COPS2: variants seen among roughly 807,000 people sequenced by gnomAD.
COPS2 encodes the protein COP9 signalosome subunit 2, also known as COP9 signalosome complex subunit 2.
In COPS2, 10 loss-of-function variants were observed where a neutral mutation model predicts 66.1. The ratio of observed to expected loss-of-function variants is 0.15; its 90% CI spans 0.09 to 0.26. The LOEUF is 0.26. Among genes scored for constraint, COPS2 ranks in the 10% least tolerant of loss-of-function variants. The pLI is 1.00. For missense variants in COPS2, 215 were observed against 513.3 expected (o/e 0.42, Z 5.62); for synonymous variants, 179 against 171.3 (o/e 1.04, Z -0.35).
chr15:49,129,633 C>G, intron 10 of COPS2, 74 bp from the exon 11 acceptor site: 1 of 628,854 alleles, frequency 1.6e-6, no homozygotes, highest in Non-Finnish European at 2.5e-6. Flanking sequence ...TTATGTACTC[C>G]TAATTATCTT....
intron 6 of COPS2, 93 bp downstream of exon 6, chr15:49,137,057 A>G: frequency 1.3e-6 from 1 of 764,964 alleles, no homozygotes; most frequent in Non-Finnish European, 2.1e-6. Context: ...TGCTTAAACT[A>G]AAACATCCCT....
At chr15:49,151,509 A>G (rs377505719) in intron 1 of COPS2, among the ~76,000 whole-genome samples, 11 of 152,194 alleles carry the variant, frequency 7.2e-5, no homozygotes, top group African/African-American at 2.7e-4. Flanking sequence ...TCTTTCTAAA[A>G]AGATTATTAG....
rs906966045 is a variant in COPS2, at chr15:49,125,588, C to A, written c.*2362G>T. The A allele has an allele frequency of 6.6e-6, 1 of 151,920 alleles. No homozygotes were observed. The highest frequency in any genetic ancestry group is 2.4e-5 in the African/African-American group (1 of 41,376). 9.4% of individuals were successfully genotyped at this position (151,920 alleles called of 1,614,324 possible). The stretch of plus-strand genomic sequence containing the variant: ...AGCAATCTCTAAGATTTCAACTCTA[C>A]AATATTTGATGCACAAAAACACAGA... On this transcript the variant is annotated 3_prime_UTR_variant, in exon 13 of 13. Coordinates refer to ENST00000388901, the MANE Select transcript of COPS2 (RefSeq NM_004236.4).
chr15:49,149,724 G>T (rs1047457242), intron 1 of COPS2, among the ~76,000 whole-genome samples: 2 of 152,072 alleles, frequency 1.3e-5, no homozygotes, highest in African/African-American at 4.8e-5. Flanking sequence ...TGTATTTACC[G>T]CCAATAGAAG....
rs2084295679 is a variant in COPS2, at chr15:49,142,518, C to T, written c.246+1709G>A. 2.6e-5 allele frequency among the ~76,000 whole-genome samples: 4 copies of T among 152,228 alleles called. No homozygotes were observed. In the South Asian group the frequency reaches 8.3e-4, roughly 32 times the overall value. On this transcript the variant is annotated intron_variant, in intron 3 of 12. Coordinates refer to ENST00000388901, the MANE Select transcript of COPS2 (RefSeq NM_004236.4). ...GAGGAAACATATCATATGGGAAATA[C>T]AAAAACAGGGGAAAAAGAAAGTGGT...
intron 1 of COPS2, 136 bp downstream of exon 1, chr15:49,155,389 T>C (rs1310022496): frequency 6.6e-6 from 5 of 762,584 alleles, no homozygotes; most frequent in African/African-American, 5.2e-5. Flanking sequence ...GGGGAGGAGG[T>C]AAACCAGTCC....
At chr15:49,143,972 C>CG (rs112598336) in intron 3 of COPS2, among the ~76,000 whole-genome samples, 2 of 114,066 alleles carry the variant, frequency 1.8e-5, no homozygotes, top group African/African-American at 3.6e-5. Flanking sequence ...GGTGACAGAG[C>CG]GGGGGAAAAA....
At position 49,125,588 on chromosome 15, in the gene COPS2, C is replaced by G. The variant is rs906966045; in HGVS notation, c.*2362G>C. ...AGCAATCTCTAAGATTTCAACTCTA[C>G]AATATTTGATGCACAAAAACACAGA... On this transcript the variant is annotated 3_prime_UTR_variant, in exon 13 of 13. Coordinates refer to ENST00000388901, the MANE Select transcript of COPS2 (RefSeq NM_004236.4). 6.6e-6 allele frequency: 1 copy of G among 151,920 alleles called. No individual in the cohort carries two copies. The highest frequency in any genetic ancestry group is 1.9e-4 in the East Asian group (1 of 5,202). 9.4% of individuals were successfully genotyped at this position (151,920 alleles called of 1,614,324 possible). A position where few individuals can be genotyped will look rare whatever the true frequency, so the allele number is the denominator to read the frequency against.
chr15:49,142,143 G>T (rs1234999516), intron 3 of COPS2, among the ~76,000 whole-genome samples: 2 of 152,180 alleles, frequency 1.3e-5, no homozygotes, highest in Admixed American at 1.3e-4. Context: ...AGAAAGCATG[G>T]GGCTCTGGGC....
chr15:49,133,356 T>A (rs1476191745), intron 9 of COPS2, among the ~76,000 whole-genome samples: 3 of 152,202 alleles, frequency 2.0e-5, no homozygotes, highest in African/African-American at 7.2e-5. Flanking sequence ...TAAAAAAATA[T>A]GCTTATGCTG....
intron 6 of COPS2, among the ~76,000 whole-genome samples, 165 bp downstream of exon 6, chr15:49,136,985 T>C (rs1007591195): frequency 6.8e-6 from 1 of 147,814 alleles, no homozygotes; most frequent in Non-Finnish European, 1.5e-5. Flanking sequence ...AGCCATACCC[T>C]CTCTCTCAAA....
chr15:49,126,684 A>G lies in COPS2; in HGVS notation c.*1266T>C, dbSNP rs184514553. 1.3e-5 allele frequency: 2 copies of G among 152,246 alleles called. No individual in the cohort carries two copies. Among genetic ancestry groups the G allele is most frequent in the African/African-American group, 4.8e-5 (2 of 41,576 alleles). 9.4% of individuals were successfully genotyped at this position (152,246 alleles called of 1,614,324 possible). On this transcript the variant is annotated 3_prime_UTR_variant, in exon 13 of 13. Coordinates refer to ENST00000388901, the MANE Select transcript of COPS2 (RefSeq NM_004236.4). Reference sequence around the variant, plus strand: ...TAAGGTAGTTACCTTGGAAGGCCACAGTTCATTCTCCTAAGTATACTGCCA... The same window carrying G: ...TAAGGTAGTTACCTTGGAAGGCCACGGTTCATTCTCCTAAGTATACTGCCA...
intron 9 of COPS2, among the ~76,000 whole-genome samples, chr15:49,133,199 A>G (rs1208714365): frequency 3.9e-5 from 6 of 152,050 alleles, no homozygotes; most frequent in Non-Finnish European, 8.8e-5. Context: ...CGTGTTAGCC[A>G]GGATGGTCTT....
chr15:49,144,358 A>C (rs1312101911), intron 2 of COPS2, 54 bp from the exon 3 acceptor site: 1 of 946,572 alleles, frequency 1.1e-6, no homozygotes, highest in Non-Finnish European at 1.7e-6. Flanking sequence ...ATTATTTTCT[A>C]ATGATGCCCA....
intron 6 of COPS2, among the ~76,000 whole-genome samples, chr15:49,136,943 C>A (rs948276517): frequency 2.0e-5 from 3 of 151,728 alleles, no homozygotes; most frequent in African/African-American, 7.3e-5. Context: ...GAGCCAAGAT[C>A]GCACCACTGC....
At chr15:49,139,146 T>G (rs925406184) in intron 4 of COPS2, 1 of 159,228 alleles carries the variant, frequency 6.3e-6, no homozygotes, top group Admixed American at 6.5e-5. Flanking sequence ...CTCAAAGATT[T>G]TAATATAACC....
chr15:49,144,124 T>C (rs2084306401), intron 3 of COPS2, 103 bp downstream of exon 3: 1 of 773,042 alleles, frequency 1.3e-6, no homozygotes, highest in South Asian at 1.5e-5. Context: ...TAAAAACACA[T>C]CCAAAGAAGT....
chr15:49,128,777 G>T lies in COPS2; in HGVS notation c.1129-17C>A. The T allele has an allele frequency of 6.5e-7, 1 of 1,541,516 alleles. No homozygotes were observed. Among genetic ancestry groups the T allele is most frequent in the South Asian group, 1.2e-5 (1 of 85,924 alleles). On this transcript the variant is annotated splice_polypyrimidine_tract_variant and intron_variant, in intron 11 of 12. Transcript: ENST00000388901. Reference sequence around the variant, plus strand: ...GTTTAACTCCTAAGACAAAAGACTTGTTATATACCAATTAACATTTTAAAG... The same window carrying T: ...GTTTAACTCCTAAGACAAAAGACTTTTTATATACCAATTAACATTTTAAAG...
chr15:49,138,222 T>TC (rs1304927903), intron 4 of COPS2, among the ~76,000 whole-genome samples: 1 of 152,202 alleles, frequency 6.6e-6, no homozygotes, highest in South Asian at 2.1e-4. Flanking sequence ...CCCACCCTCT[T>TC]CCCCCCGCTT....
Sources: allele counts gnomAD v4.1 joint callset (sites outside exome capture counted in the v4.1 genomes callset), GRCh38; gene constraint gnomAD v4.1.1; transcripts MANE v1.5; gene names NCBI Gene and HGNC (gene_info 2026-07-23, HGNC 2026-07-21).